The following MTUS2 variants were observed in gnomAD, a reference collection of about 807,000 sequenced individuals.
MTUS2 encodes the protein microtubule-associated tumor suppressor candidate 2.
In MTUS2, 40 loss-of-function variants were observed where a neutral mutation model predicts 114.1. The ratio of observed to expected loss-of-function variants is 0.35; its 90% CI spans 0.27 to 0.46. MTUS2 has a LOEUF of 0.46. MTUS2 is among the 20% of genes least tolerant of loss of function. MTUS2 has a pLI of 1.00. For missense variants in MTUS2, 1,679 were observed against 1,705.4 expected, an observed-to-expected ratio of 0.98 and a Z score of 0.27; for synonymous variants, 688 against 672.0, an observed-to-expected ratio of 1.02 and a Z score of -0.37.
intron 8 of MTUS2, among the ~76,000 whole-genome samples, chr13:29,401,403 A>G (rs1458629036): frequency 2.0e-5 from 3 of 152,116 alleles, no homozygotes; most frequent in Non-Finnish European, 4.4e-5. Flanking sequence ...TGTTCCCTTT[A>G]TGTCTTATGG....
chr13:29,073,984 T>C (rs115366824), intron 4 of MTUS2, among the ~76,000 whole-genome samples: 1,990 of 152,230 alleles, frequency 0.013, 49 homozygotes, highest in African/African-American at 0.045. Context: ...ACTTAATCCA[T>C]CCGCTCAGCC....
chr13:29,138,792 T>A (rs1892094257), intron 5 of MTUS2, among the ~76,000 whole-genome samples: 1 of 152,088 alleles, frequency 6.6e-6, no homozygotes, highest in Non-Finnish European at 1.5e-5. Flanking sequence ...CATTTTAAAA[T>A]GCCACTGCAT....
intron 5 of MTUS2, among the ~76,000 whole-genome samples, chr13:29,121,905 C>T (rs1891327040): frequency 6.6e-6 from 1 of 152,038 alleles, no homozygotes; most frequent in Non-Finnish European, 1.5e-5. Context: ...GGTGATCCGC[C>T]CTCCTCGGCC....
intron 5 of MTUS2, among the ~76,000 whole-genome samples, chr13:29,238,071 A>G (rs1896601497): frequency 6.6e-6 from 1 of 152,236 alleles, no homozygotes; most frequent in Admixed American, 6.5e-5. Context: ...GGTATATACC[A>G]GAGGAACTGA....
At chr13:29,375,811 G>A (rs1282205072) in intron 8 of MTUS2, among the ~76,000 whole-genome samples, 1 of 150,954 alleles carries the variant, frequency 6.6e-6, no homozygotes, top group Non-Finnish European at 1.5e-5. Flanking sequence ...GGCATACAGA[G>A]TGGTATAATG....
At chr13:28,969,696 G>T (rs1017869948) in intron 2 of MTUS2, among the ~76,000 whole-genome samples, 2 of 151,790 alleles carry the variant, frequency 1.3e-5, no homozygotes, top group Non-Finnish European at 2.9e-5. Flanking sequence ...GTAGAAATGG[G>T]GTTCTACCAT....
chr13:29,096,891 A>G (rs1434663696), intron 4 of MTUS2, among the ~76,000 whole-genome samples: 1 of 152,094 alleles, frequency 6.6e-6, no homozygotes, highest in Non-Finnish European at 1.5e-5. Context: ...TGATTGGGAA[A>G]TGGTGATTGG....
intron 2 of MTUS2, among the ~76,000 whole-genome samples, chr13:28,893,498 A>G (rs71433289): frequency 8.0e-4 from 122 of 152,346 alleles, no homozygotes; most frequent in Middle Eastern, 6.8e-3. Context: ...ATTTGTGGTT[A>G]GAAGAATCTT....
chr13:29,173,216 C>T (rs753000055), intron 5 of MTUS2, among the ~76,000 whole-genome samples: 7 of 151,996 alleles, frequency 4.6e-5, no homozygotes, highest in Non-Finnish European at 1.0e-4. Flanking sequence ...CTGTTCTACT[C>T]TAAGGGTTTG....
At chr13:29,322,790 G>A (rs1459296957) in intron 6 of MTUS2, among the ~76,000 whole-genome samples, 1 of 152,174 alleles carries the variant, frequency 6.6e-6, no homozygotes. Flanking sequence ...AGGAAGCATG[G>A]CATGTTTGGG....
chr13:29,134,549 G>T (rs963940983), intron 5 of MTUS2, among the ~76,000 whole-genome samples: 3 of 152,098 alleles, frequency 2.0e-5, no homozygotes, highest in Admixed American at 6.6e-5. Flanking sequence ...TCTGTTATTA[G>T]ATGTTTAAAT....
At chr13:29,286,081 A>G (rs998482995) in intron 6 of MTUS2, among the ~76,000 whole-genome samples, 1 of 152,082 alleles carries the variant, frequency 6.6e-6, no homozygotes, top group Admixed American at 6.6e-5. Context: ...GCGTGCCACC[A>G]TGCCTGGCAA....
intron 4 of MTUS2, among the ~76,000 whole-genome samples, chr13:29,060,802 C>CTTTTTT (rs34983544): frequency 7.8e-6 from 1 of 127,716 alleles, no homozygotes; most frequent in Non-Finnish European, 1.6e-5. Flanking sequence ...GATTAGTTGA[C>CTTTTTT]TTTTTTTTTT....
Position 29,389,605 on chromosome 13 carries a change from G to A in MTUS2, c.3117+30132G>A, listed in dbSNP as rs567488107. Among the ~76,000 whole-genome samples, 45 of 96,544 alleles carry A rather than the reference G, an allele frequency of 4.7e-4. 8 individuals are homozygous for A. In the South Asian group the frequency reaches 0.018, roughly 38 times the overall value. 63.3% of individuals were successfully genotyped at this position (96,544 alleles called of 152,430 possible). ...TATACGTATACATATGTGTGTATAC[G>A]TATACATATGTGTGTATATATGTAT... On this transcript the variant is annotated intron_variant, in intron 8 of 15. Coordinates refer to ENST00000612955, the MANE Select transcript of MTUS2 (RefSeq NM_001033602.4).
In MTUS2 at chr13:29,018,252, A is replaced by T. The variant is rs75057648; in HGVS notation, c.-242-6205A>T. Among the ~76,000 whole-genome samples, 110 of 152,242 alleles carry T rather than the reference A, an allele frequency of 7.2e-4. No individual in the cohort carries two copies. The East Asian group carries it at 0.021, about 29-fold the overall frequency. ...AGGCCCAGTGCTCATTGGACCTTGA[A>T]TGTCAAGCCGAGAGGTGTCACTTTA... On this transcript the variant is annotated intron_variant, in intron 2 of 15. Transcript: ENST00000612955.
chr13:29,189,126 C>T (rs1894343671), intron 5 of MTUS2, among the ~76,000 whole-genome samples: 3 of 152,188 alleles, frequency 2.0e-5, no homozygotes, highest in African/African-American at 7.2e-5. Flanking sequence ...GCCAGAGACC[C>T]TCACAGAAGC....
At chr13:29,357,501 A>G (rs1869846835) in intron 7 of MTUS2, among the ~76,000 whole-genome samples, 1 of 152,244 alleles carries the variant, frequency 6.6e-6, no homozygotes, top group Non-Finnish European at 1.5e-5. Flanking sequence ...AATAAAATGG[A>G]AAACAGCAAT....
At chr13:29,417,086 C>T (rs912112728) in intron 8 of MTUS2, among the ~76,000 whole-genome samples, 1 of 152,166 alleles carries the variant, frequency 6.6e-6, no homozygotes, top group Non-Finnish European at 1.5e-5. Flanking sequence ...GCAGGTTGTG[C>T]AAGCATGGCA....
intron 4 of MTUS2, among the ~76,000 whole-genome samples, chr13:29,092,447 C>T (rs1467578): frequency 0.67 from 102,238 of 152,096 alleles, 35,074 homozygotes; most frequent in Non-Finnish European, 0.74. Context: ...TAGGGACCAC[C>T]CTCGCATCCC....
Sources: gnomAD v4.1 joint callset for allele counts (sites outside exome capture counted in the v4.1 genomes callset) on GRCh38, gnomAD v4.1.1 for gene constraint, MANE v1.5 for transcripts, NCBI Gene and HGNC (gene_info 2026-07-23, HGNC 2026-07-21) for gene names.